The following GKAP1 variants were observed in gnomAD, a reference collection of about 807,000 sequenced individuals.
GKAP1 encodes G kinase-anchoring protein 1.
In GKAP1, 31 loss-of-function variants were observed where a neutral mutation model predicts 56.7. The observed-to-expected ratio is 0.55, with a 90% CI of 0.41 to 0.74. The LOEUF (loss-of-function observed/expected upper bound fraction) is 0.74. GKAP1 is among the 30% of genes least tolerant of loss of function. The pLI is 0.00. For synonymous variants in GKAP1, 151 were observed against 138.6 expected (o/e 1.09, Z -0.63); for missense variants, 364 against 402.3 (o/e 0.90, Z 0.82).
intron 7 of GKAP1, among the ~76,000 whole-genome samples, chr9:83,776,437 C>T (rs999787674): frequency 1.3e-5 from 2 of 152,198 alleles, no homozygotes; most frequent in Non-Finnish European, 2.9e-5. Flanking sequence ...CAGTGGCTCA[C>T]ACCTCTAATC....
intron 8 of GKAP1, among the ~76,000 whole-genome samples, chr9:83,755,799 C>CT (rs34145592): frequency 0.018 from 2,298 of 124,348 alleles, 24 homozygotes; most frequent in East Asian, 0.034. Flanking sequence ...CAAACTGGTA[C>CT]TTTTTTTTTT....
chr9:83,775,874 CAAAAAAAAAAA>C (rs55669011), intron 7 of GKAP1, among the ~76,000 whole-genome samples: 1 of 43,716 alleles, frequency 2.3e-5, no homozygotes, highest in Non-Finnish European at 3.9e-5. Context: ...GACTCTGTCT[CAAAAAAAAAAA>C]AAAAAAAAAA....
chr9:83,771,660 T>C (rs1564197906), intron 7 of GKAP1, among the ~76,000 whole-genome samples: 1 of 152,188 alleles, frequency 6.6e-6, no homozygotes, highest in Non-Finnish European at 1.5e-5. Flanking sequence ...CAAGTAATTA[T>C]GGCCTTAAGA....
intron 11 of GKAP1, 142 bp from the exon 12 acceptor site, chr9:83,742,171 TTG>T: frequency 1.5e-6 from 1 of 661,124 alleles, no homozygotes; most frequent in Non-Finnish European, 2.7e-6. Flanking sequence ...CCATTTGGTA[TTG>T]TACACAGCTC....
At chr9:83,754,469 G>T (rs1464048296) in intron 8 of GKAP1, among the ~76,000 whole-genome samples, 1 of 152,186 alleles carries the variant, frequency 6.6e-6, no homozygotes, top group Non-Finnish European at 1.5e-5. Context: ...GAATTGAAAA[G>T]ATTCTGTGTT....
intron 9 of GKAP1, among the ~76,000 whole-genome samples, chr9:83,752,162 G>A (rs548373576): frequency 6.6e-6 from 1 of 152,282 alleles, no homozygotes; most frequent in Non-Finnish European, 1.5e-5. Flanking sequence ...CCAACACCCT[G>A]AGAGGCCAAG....
chr9:83,784,604 T>A (rs1020221352), intron 6 of GKAP1, 111 bp downstream of exon 6: 14 of 788,218 alleles, frequency 1.8e-5, no homozygotes, highest in Non-Finnish European at 2.7e-5. Flanking sequence ...TTCTACATGA[T>A]ACATGAATAA....
chr9:83,781,474 A>G (rs190887397), intron 6 of GKAP1, among the ~76,000 whole-genome samples: 64 of 152,356 alleles, frequency 4.2e-4, no homozygotes, highest in Middle Eastern at 6.8e-3. Flanking sequence ...CTCAAGGACT[A>G]AAAATATAAC....
At chr9:83,790,227 G>C (rs1944132066) in intron 4 of GKAP1, among the ~76,000 whole-genome samples, 2 of 152,068 alleles carry the variant, frequency 1.3e-5, no homozygotes, top group Admixed American at 1.3e-4. Context: ...TATAGAACTA[G>C]AAAATCAGAT....
chr9:83,771,300 C>T (rs1943756459), intron 7 of GKAP1, among the ~76,000 whole-genome samples: 2 of 151,964 alleles, frequency 1.3e-5, no homozygotes, highest in African/African-American at 4.8e-5. Flanking sequence ...GCCAGTGGGT[C>T]TCAAACTCCT....
intron 7 of GKAP1, among the ~76,000 whole-genome samples, chr9:83,769,508 G>C (rs1275735481): frequency 6.6e-6 from 1 of 152,100 alleles, no homozygotes; most frequent in African/African-American, 2.4e-5. Context: ...ACTTTTGACT[G>C]GCTTCTCTGA....
chr9:83,742,510 T>A lies in GKAP1; in HGVS notation c.975+20A>T. On this transcript the variant is annotated intron_variant, in intron 11 of 12. Coordinates refer to ENST00000376371, the MANE Select transcript of GKAP1 (RefSeq NM_025211.4). ...AGACAGCTTAAGAAAACCAGTCATG[T>A]ATGCTCCACAGTTCCTTACCTGAAT... 1 of 1,554,202 alleles carries A rather than the reference T, an allele frequency of 6.4e-7. No individual in the cohort carries two copies. Among genetic ancestry groups the A allele is most frequent in the African/African-American group, 1.4e-5 (1 of 73,442 alleles).
chr9:83,807,290 G>C (rs1944453323), intron 2 of GKAP1, among the ~76,000 whole-genome samples: 1 of 152,158 alleles, frequency 6.6e-6, no homozygotes, highest in Non-Finnish European at 1.5e-5. Flanking sequence ...TGGAGTTTAA[G>C]TTGGTTATGT....
At chr9:83,743,606 T>TA (rs1483012261) in intron 10 of GKAP1, among the ~76,000 whole-genome samples, 1 of 152,028 alleles carries the variant, frequency 6.6e-6, no homozygotes, top group African/African-American at 2.4e-5. Context: ...AATAAATAAA[T>TA]AAAAACAATG....
At chr9:83,778,627 GTA>G (rs1474087179) in intron 7 of GKAP1, among the ~76,000 whole-genome samples, 3 of 151,890 alleles carry the variant, frequency 2.0e-5, no homozygotes, top group African/African-American at 7.3e-5. Flanking sequence ...AAAATAATCT[GTA>G]TAACAAACCA....
intron 7 of GKAP1, among the ~76,000 whole-genome samples, chr9:83,777,699 G>A (rs1036955200): frequency 3.3e-5 from 5 of 151,934 alleles, no homozygotes; most frequent in African/African-American, 1.2e-4. Context: ...AGGAACTTAA[G>A]AGTAGCCATG....
intron 7 of GKAP1, among the ~76,000 whole-genome samples, chr9:83,771,773 T>A (rs1199303176): frequency 1.3e-5 from 2 of 152,162 alleles, no homozygotes; most frequent in Non-Finnish European, 2.9e-5. Context: ...CAGCAATAAA[T>A]ACAGAAATGC....
At chr9:83,762,723 C>A (rs4601411) in intron 8 of GKAP1, among the ~76,000 whole-genome samples, 113,028 of 151,720 alleles carry the variant, frequency 0.74, 42,819 homozygotes, top group East Asian at 1. Flanking sequence ...GGAACAGAAC[C>A]CAGAACCCAG....
intron 8 of GKAP1, among the ~76,000 whole-genome samples, chr9:83,761,156 CAAAA>C (rs1342684466): frequency 6.9e-6 from 1 of 145,290 alleles, no homozygotes; most frequent in African/African-American, 2.5e-5. Flanking sequence ...CAAAAAACAT[CAAAA>C]AAAGAAAAAT....
Sources: gnomAD v4.1 joint callset for allele counts (sites outside exome capture counted in the v4.1 genomes callset) on GRCh38, gnomAD v4.1.1 for gene constraint, MANE v1.5 for transcripts, NCBI Gene and HGNC (gene_info 2026-07-23, HGNC 2026-07-21) for gene names.